KIAA2012: variants seen among roughly 807,000 people sequenced by gnomAD.
KIAA2012 encodes KIAA2012.
KIAA2012 carries 125 observed loss-of-function variants against 150.6 expected under a neutral mutation model. That is an observed-to-expected ratio of 0.83 (90% CI 0.72 to 0.96). The LOEUF is 0.96. Among genes scored for constraint, KIAA2012 ranks in the 40% least tolerant of loss-of-function variants. The pLI is 0.00. For synonymous variants in KIAA2012, 462 were observed against 504.7 expected (o/e 0.92, Z 1.13); for missense variants, 1,219 against 1,354.9 (o/e 0.90, Z 1.57).
In KIAA2012 at chr2:202,178,420, GA is replaced by G. The variant is rs201586351; in HGVS notation, c.2120-6323del. Among the ~76,000 whole-genome samples, 514 of 149,372 alleles carry G rather than the reference GA, an allele frequency of 3.4e-3. 1 individual carries two copies. The highest frequency in any genetic ancestry group is 5.6e-3 in the Non-Finnish European group (375 of 67,170). On this transcript the variant is annotated intron_variant, in intron 15 of 23. Coordinates refer to ENST00000498697, the MANE Select transcript of KIAA2012 (RefSeq NM_001277372.4). ...TAAATATCAGGTTATTTTACTAAGA[GA>G]AAAAAAAAATCACCCTTCTATGGCC...
chr2:202,193,244 C>G (rs867544079), intron 19 of KIAA2012, 57 bp from the exon 20 acceptor site: 1 of 1,487,060 alleles, frequency 6.7e-7, no homozygotes. Flanking sequence ...TGGAGAAGGG[C>G]TCACTGCTGA....
intron 19 of KIAA2012, 114 bp from the exon 20 acceptor site, chr2:202,193,187 G>C: frequency 9.3e-7 from 1 of 1,080,594 alleles, no homozygotes; most frequent in Non-Finnish European, 1.3e-6. Context: ...AAAGTGTGGA[G>C]TCTGTTTTAT....
chr2:202,133,225 C>G (rs1414845849), intron 12 of KIAA2012, among the ~76,000 whole-genome samples: 1 of 147,838 alleles, frequency 6.8e-6, no homozygotes, highest in Non-Finnish European at 1.5e-5. Context: ...TTCTGAATTA[C>G]TTTCCTCCAC....
intron 15 of KIAA2012, among the ~76,000 whole-genome samples, chr2:202,167,029 C>T (rs1191066526): frequency 6.6e-6 from 1 of 152,018 alleles, no homozygotes; most frequent in African/African-American, 2.4e-5. Context: ...AAAAATTAGC[C>T]AGGTGCGGTG....
chr2:202,167,669 C>T (rs572003391), intron 15 of KIAA2012, among the ~76,000 whole-genome samples: 31 of 151,982 alleles, frequency 2.0e-4, no homozygotes, highest in Non-Finnish European at 3.8e-4. Context: ...TGCCCTGCAT[C>T]TCGGCCTCTA....
intron 3 of KIAA2012, among the ~76,000 whole-genome samples, 177 bp downstream of exon 3, chr2:202,091,106 C>T (rs1559199878): frequency 6.6e-6 from 1 of 152,244 alleles, no homozygotes; most frequent in Non-Finnish European, 1.5e-5. Context: ...CGTCCTTTGT[C>T]CTCTGACGCA....
intron 21 of KIAA2012, among the ~76,000 whole-genome samples, chr2:202,196,037 A>G (rs536361829): frequency 6.6e-6 from 1 of 152,236 alleles, no homozygotes; most frequent in Admixed American, 6.5e-5. Flanking sequence ...TCCTTTGGAT[A>G]TATACCTAGT....
At chr2:202,086,063 G>A (rs922445545) in intron 2 of KIAA2012, among the ~76,000 whole-genome samples, 5 of 151,232 alleles carry the variant, frequency 3.3e-5, no homozygotes, top group Non-Finnish European at 5.9e-5. Context: ...AGCTACTTGG[G>A]AGGCTGAGGC....
intron 12 of KIAA2012, among the ~76,000 whole-genome samples, chr2:202,126,617 A>ATGG (rs60119764): frequency 0.019 from 2,739 of 146,178 alleles, 42 homozygotes; most frequent in East Asian, 0.026. Context: ...AATGATGATG[A>ATGG]TGGTGGTGGT....
chr2:202,119,274 G>A (rs1690603334), intron 11 of KIAA2012, among the ~76,000 whole-genome samples: 2 of 148,738 alleles, frequency 1.3e-5, no homozygotes, highest in Non-Finnish European at 1.5e-5. Flanking sequence ...TCCGTCTCAG[G>A]AAAAAAAAAA....
chr2:202,143,075 A>ATTTT (rs59488285), intron 13 of KIAA2012, among the ~76,000 whole-genome samples: 8 of 124,988 alleles, frequency 6.4e-5, no homozygotes, highest in Non-Finnish European at 3.3e-5. Flanking sequence ...CACTGGTTTA[A>ATTTT]TTTTTTTTTT....
chr2:202,188,355 G>C (rs147778267), intron 18 of KIAA2012, 89 bp downstream of exon 18: 5 of 1,012,248 alleles, frequency 4.9e-6, no homozygotes, highest in Non-Finnish European at 7.2e-6. Flanking sequence ...GGATCCTACC[G>C]GACAAACTCT....
At chr2:202,097,874 G>A (rs13413158) in intron 5 of KIAA2012, among the ~76,000 whole-genome samples, 1 of 152,136 alleles carries the variant, frequency 6.6e-6, no homozygotes, top group East Asian at 1.9e-4. Flanking sequence ...ACAGGCATGA[G>A]CCACCGAGCC....
chr2:202,181,056 A>C (rs1692108327), intron 15 of KIAA2012, among the ~76,000 whole-genome samples: 1 of 152,014 alleles, frequency 6.6e-6, no homozygotes. Context: ...GGCAGCTTCG[A>C]TCTCCCAAGC....
At position 202,197,015 on chromosome 2, in the gene KIAA2012, G is replaced by T. The variant is rs1455401337; in HGVS notation, c.3403G>T (p.Ala1135Ser). 4 of 1,550,470 alleles carry T rather than the reference G, an allele frequency of 2.6e-6. No individual in the cohort carries two copies. Among genetic ancestry groups the T allele is most frequent in the South Asian group, 1.2e-5 (1 of 84,060 alleles). Reference sequence around the variant, plus strand: ...AGCCACGAAACAAGCCCAGGAACAAGCCAGGTACTGGATATTTGGGCAACA... The same window carrying T: ...AGCCACGAAACAAGCCCAGGAACAATCCAGGTACTGGATATTTGGGCAACA... ...EEATKQAQEQARQKAALEKHF... is the reference protein window; with the variant it reads ...EEATKQAQEQSRQKAALEKHF... Residue 1135 changes from alanine to serine, a missense_variant, in exon 22 of 24, where the codon GCC becomes TCC. Transcript: ENST00000498697.
intron 8 of KIAA2012, among the ~76,000 whole-genome samples, chr2:202,105,077 G>C (rs950520780): frequency 6.6e-6 from 1 of 151,656 alleles, no homozygotes; most frequent in Non-Finnish European, 1.5e-5. Flanking sequence ...TCCTTTAAAA[G>C]CATCATGAGC....
chr2:202,140,045 T>C (rs776551468), intron 13 of KIAA2012, among the ~76,000 whole-genome samples: 2 of 152,066 alleles, frequency 1.3e-5, no homozygotes, highest in Admixed American at 6.5e-5. Context: ...CTGGCCAACA[T>C]GGTGAAACCC....
chr2:202,105,307 C>A (rs1484928512), intron 8 of KIAA2012, among the ~76,000 whole-genome samples: 1 of 148,406 alleles, frequency 6.7e-6, no homozygotes, highest in East Asian at 2.0e-4. Context: ...GGAATTTGTT[C>A]ATGCAAGAAT....
chr2:202,121,665 C>G (rs149648281), intron 11 of KIAA2012, among the ~76,000 whole-genome samples: 103 of 152,334 alleles, frequency 6.8e-4, no homozygotes, highest in African/African-American at 2.5e-3. Flanking sequence ...AGGGAGCTCA[C>G]TTACGTGGTA....
Sources: gnomAD v4.1 joint callset for allele counts (sites outside exome capture counted in the v4.1 genomes callset) on GRCh38, gnomAD v4.1.1 for gene constraint, MANE v1.5 for transcripts, NCBI Gene and HGNC (gene_info 2026-07-23, HGNC 2026-07-21) for gene names.